Variants in GPATCH8 observed in about 807,000 individuals in gnomAD.
GPATCH8 encodes G patch domain-containing protein 8.
A neutral mutation model predicts 118.3 loss-of-function variants in GPATCH8; 18 were observed. The ratio of observed to expected loss-of-function variants is 0.15; its 90% CI spans 0.11 to 0.23. The LOEUF (loss-of-function observed/expected upper bound fraction) is 0.23, where lower values mean the gene tolerates loss of function less well. Among genes scored for constraint, GPATCH8 ranks in the 10% least tolerant of loss-of-function variants. GPATCH8 has a pLI of 1.00. For missense variants in GPATCH8, 1,631 were observed against 1,873.8 expected, an observed-to-expected ratio of 0.87 and a Z score of 2.39; for synonymous variants, 659 against 684.7, an observed-to-expected ratio of 0.96 and a Z score of 0.59.
chr17:44,412,532 G>A (rs1033987073), intron 6 of GPATCH8, among the ~76,000 whole-genome samples: 2 of 151,884 alleles, frequency 1.3e-5, no homozygotes, highest in African/African-American at 2.4e-5. Context: ...GACTACAGAC[G>A]CATGCCACCA....
At position 44,502,356 on chromosome 17, in the gene GPATCH8, A is replaced by G. The variant is rs1170818436; in HGVS notation, c.45+970T>C. Among the ~76,000 whole-genome samples the G allele has an allele frequency of 1.3e-4, 13 of 98,710 alleles. No homozygotes were observed. The East Asian group carries it at 2.9e-3, about 22-fold the overall frequency. The allele number at this position is 98,710 out of a possible 152,430, so 64.8% of individuals were successfully genotyped here. A position where few individuals can be genotyped will look rare whatever the true frequency, so the allele number is the denominator to read the frequency against. On this transcript the variant is annotated intron_variant, in intron 1 of 7. Coordinates refer to ENST00000591680, the MANE Select transcript of GPATCH8 (RefSeq NM_001002909.4). Reference sequence around the variant, plus strand: ...TTGCCAGGATATGCGGTAGTAATGCAGTGTTTTTTTTTTTTTTTTGAGACT... The same window carrying G: ...TTGCCAGGATATGCGGTAGTAATGCGGTGTTTTTTTTTTTTTTTTGAGACT...
intron 7 of GPATCH8, among the ~76,000 whole-genome samples, chr17:44,403,536 T>C (rs914773228): frequency 6.6e-6 from 1 of 152,110 alleles, no homozygotes; most frequent in Non-Finnish European, 1.5e-5. Flanking sequence ...TTTTTATAGT[T>C]TGTACACTAT....
At chr17:44,487,487 G>T (rs1968876013) in intron 1 of GPATCH8, among the ~76,000 whole-genome samples, 1 of 152,160 alleles carries the variant, frequency 6.6e-6, no homozygotes, top group Non-Finnish European at 1.5e-5. Context: ...TTTTTGTGTA[G>T]ACTTAAGTTT....
At chr17:44,473,663 G>C (rs1198973765) in intron 2 of GPATCH8, 2 of 152,268 alleles carry the variant, frequency 1.3e-5, no homozygotes, top group African/African-American at 4.8e-5. Flanking sequence ...ATAAGAAAGG[G>C]AGGTGGGGAG....
rs182041747 is a variant in GPATCH8, at chr17:44,488,287, C to T, written c.46-13384G>A. Among the ~76,000 whole-genome samples the T allele has an allele frequency of 6.4e-3, 909 of 143,106 alleles. 4 individuals are homozygous for T. The highest frequency in any genetic ancestry group is 7.7e-3 in the Non-Finnish European group (513 of 66,656). 93.9% of individuals were successfully genotyped at this position (143,106 alleles called of 152,430 possible). A position where few individuals can be genotyped will look rare whatever the true frequency, so the allele number is the denominator to read the frequency against. On this transcript the variant is annotated intron_variant, in intron 1 of 7. Coordinates refer to ENST00000591680, the MANE Select transcript of GPATCH8 (RefSeq NM_001002909.4). ...TGTCGCCCAGGCTGGAGTGTTGTGG[C>T]GCAATCTCAGCTCACTGCATCTTCT...
chr17:44,430,352 T>C (rs1015643631), intron 5 of GPATCH8, among the ~76,000 whole-genome samples: 7 of 152,020 alleles, frequency 4.6e-5, no homozygotes, highest in African/African-American at 1.7e-4. Context: ...CAATGTTGGT[T>C]CAACATACAA....
At chr17:44,412,844 T>C (rs1019889157) in intron 6 of GPATCH8, among the ~76,000 whole-genome samples, 2 of 152,204 alleles carry the variant, frequency 1.3e-5, no homozygotes, top group Non-Finnish European at 2.9e-5. Context: ...CACTGTTTTT[T>C]TTCCCCCTCC....
At chr17:44,418,441 G>A (rs1212881116) in intron 6 of GPATCH8, among the ~76,000 whole-genome samples, 1 of 151,312 alleles carries the variant, frequency 6.6e-6, no homozygotes, top group East Asian at 1.9e-4. Flanking sequence ...GGTAGGAGAT[G>A]ATCAGTGCTA....
intron 1 of GPATCH8, among the ~76,000 whole-genome samples, chr17:44,491,972 T>TATTA (rs1170044373): frequency 6.6e-6 from 1 of 152,096 alleles, no homozygotes; most frequent in Non-Finnish European, 1.5e-5. Flanking sequence ...TCCTGGGGAT[T>TATTA]ATTAGTGTCA....
At chr17:44,421,745 G>A (rs549785316) in intron 6 of GPATCH8, among the ~76,000 whole-genome samples, 170 of 135,072 alleles carry the variant, frequency 1.3e-3, no homozygotes, top group African/African-American at 4.8e-3. Flanking sequence ...TTTTTTTTTT[G>A]AGACAGGGTC....
At chr17:44,465,738 A>G (rs2051736358) in intron 2 of GPATCH8, 1 of 152,242 alleles carries the variant, frequency 6.6e-6, no homozygotes, top group Non-Finnish European at 1.5e-5. Flanking sequence ...CAATTTATAA[A>G]GCTGACGAAA....
intron 1 of GPATCH8, among the ~76,000 whole-genome samples, chr17:44,475,728 T>C (rs1348726268): frequency 6.9e-6 from 1 of 145,898 alleles, no homozygotes; most frequent in East Asian, 2.1e-4. Flanking sequence ...ACAAAAACTT[T>C]ATAAAAATGT....
chr17:44,461,480 G>T (rs141216995), intron 3 of GPATCH8, among the ~76,000 whole-genome samples: 1 of 151,674 alleles, frequency 6.6e-6, no homozygotes, highest in African/African-American at 2.4e-5. Flanking sequence ...CACTGCACCC[G>T]GCTATGTTAT....
intron 3 of GPATCH8, among the ~76,000 whole-genome samples, chr17:44,443,842 T>C (rs892560079): frequency 1.3e-5 from 2 of 152,118 alleles, no homozygotes; most frequent in African/African-American, 4.8e-5. Flanking sequence ...CTAATTCTTG[T>C]TATTTTTTGT....
chr17:44,414,646 A>G (rs543122845), intron 6 of GPATCH8, among the ~76,000 whole-genome samples: 2 of 152,294 alleles, frequency 1.3e-5, no homozygotes, highest in South Asian at 4.1e-4. Context: ...GGGTTTTAGT[A>G]CATTCTTAGA....
chr17:44,483,682 C>A (rs1358367734), intron 1 of GPATCH8, among the ~76,000 whole-genome samples: 1 of 151,994 alleles, frequency 6.6e-6, no homozygotes, highest in Non-Finnish European at 1.5e-5. Flanking sequence ...TGCTGTGTCA[C>A]CCAGGCTGGA....
In GPATCH8 at chr17:44,397,437, A is replaced by G. The variant is rs1403844840; in HGVS notation, c.*131T>C. 1 of 739,964 alleles carries G rather than the reference A, an allele frequency of 1.4e-6. No individual in the cohort carries two copies. Among genetic ancestry groups the G allele is most frequent in the African/African-American group, 1.7e-5 (1 of 57,808 alleles). The allele number at this position is 739,964 out of a possible 1,614,324, so 45.8% of individuals were successfully genotyped here. ...AAATCTAAACCCACCCCTGCAAGCC[A>G]AAACTCAATTCTTTGGCTGTCAGAC... On this transcript the variant is annotated 3_prime_UTR_variant, in exon 8 of 8. Coordinates refer to ENST00000591680, the MANE Select transcript of GPATCH8 (RefSeq NM_001002909.4).
At chr17:44,458,438 A>T (rs1302138535) in intron 3 of GPATCH8, among the ~76,000 whole-genome samples, 1 of 152,158 alleles carries the variant, frequency 6.6e-6, no homozygotes. Flanking sequence ...ACCTGAAGGA[A>T]ACTTGTTCTT....
rs139010992 is a variant in GPATCH8 at position 44,440,408 on chromosome 17, C to A, written c.194-3863G>T. The stretch of plus-strand genomic sequence containing the variant: ...TAAATCAAAACCTTAAATAATGTTT[C>A]ACTAACTGGAATTACACATTTATTT... On this transcript the variant is annotated intron_variant, in intron 3 of 7. Transcript: ENST00000591680. Among the ~76,000 whole-genome samples, 325 of 152,278 alleles carry A rather than the reference C, an allele frequency of 2.1e-3. 9 individuals carry two copies. The highest frequency in any genetic ancestry group is 0.015 in the Admixed American group (234 of 15,294).
Sources: allele counts gnomAD v4.1 joint callset (sites outside exome capture counted in the v4.1 genomes callset), GRCh38; gene constraint gnomAD v4.1.1; transcripts MANE v1.5; gene names NCBI Gene and HGNC (gene_info 2026-07-23, HGNC 2026-07-21).